The following GLIS1 variants were observed in gnomAD, a reference collection of about 807,000 sequenced individuals.
GLIS1 encodes the protein GLIS family zinc finger 1, also known as zinc finger protein GLIS1.
Under a neutral mutation model 63.8 loss-of-function variants are expected in GLIS1, and 24 were observed. The ratio of observed to expected loss-of-function variants is 0.38; its 90% CI spans 0.27 to 0.53. The LOEUF (loss-of-function observed/expected upper bound fraction) is 0.53, where lower values mean the gene tolerates loss of function less well. Among genes scored for constraint, GLIS1 ranks in the 20% least tolerant of loss-of-function variants. The pLI, the probability that GLIS1 is intolerant of heterozygous loss-of-function variation, is 0.85. For synonymous variants in GLIS1, 450 were observed against 482.5 expected, an observed-to-expected ratio of 0.93 and a Z score of 0.88; for missense variants, 1,036 against 1,074.1, an observed-to-expected ratio of 0.96 and a Z score of 0.50.
At position 53,514,493 on chromosome 1, in the gene GLIS1, G is replaced by C. The variant is rs148112383; in HGVS notation, c.1883+132C>G. On this transcript the variant is annotated intron_variant, in intron 8 of 10. Transcript: ENST00000628545. ...GTGTGTGGAATGCAGTCTGCAGTCAGTGTTCCCTGAAGGTTGGCTATTTTC... is the reference window on the plus strand; with the variant it reads ...GTGTGTGGAATGCAGTCTGCAGTCACTGTTCCCTGAAGGTTGGCTATTTTC... 69 of 871,882 alleles carry C rather than the reference G, an allele frequency of 7.9e-5. No homozygotes were observed. In the African/African-American group the frequency reaches 1.1e-3, roughly 13 times the overall value. The allele number at this position is 871,882 out of a possible 1,614,324, so 54.0% of individuals were successfully genotyped here.
intron 2 of GLIS1, among the ~76,000 whole-genome samples, chr1:53,689,960 C>G (rs888698789): frequency 6.6e-6 from 1 of 152,230 alleles, no homozygotes; most frequent in Non-Finnish European, 1.5e-5. Flanking sequence ...TGCCTTTCCC[C>G]TTGCTGTCAG....
intron 2 of GLIS1, among the ~76,000 whole-genome samples, chr1:53,623,341 C>A (rs959479539): frequency 1.3e-5 from 2 of 152,044 alleles, no homozygotes; most frequent in Middle Eastern, 3.4e-3. Context: ...AAAAGTAGTA[C>A]CCACTGATGA....
chr1:53,628,583 C>T (rs1645620494), intron 2 of GLIS1, among the ~76,000 whole-genome samples: 1 of 152,112 alleles, frequency 6.6e-6, no homozygotes, highest in African/African-American at 2.4e-5. Context: ...CAATTATTCC[C>T]ACCTAAGGGA....
intron 4 of GLIS1, among the ~76,000 whole-genome samples, chr1:53,555,958 ATG>A (rs1557448199): frequency 1.0e-5 from 1 of 97,516 alleles, no homozygotes; most frequent in African/African-American, 4.1e-5. Flanking sequence ...TACTGCAGGT[ATG>A]TGTGTGTGCA....
intron 2 of GLIS1, among the ~76,000 whole-genome samples, chr1:53,714,264 G>C (rs1646675461): frequency 6.6e-6 from 1 of 152,184 alleles, no homozygotes; most frequent in Non-Finnish European, 1.5e-5. Flanking sequence ...CCTCACAAGA[G>C]TGTTGAAAAG....
intron 3 of GLIS1, 37 bp downstream of exon 3, chr1:53,600,064 C>T: frequency 1.7e-6 from 2 of 1,169,532 alleles, no homozygotes; most frequent in Non-Finnish European, 2.2e-6. Flanking sequence ...CTGGGGCCTC[C>T]TGGGAGTGTC....
rs2100548003 is a variant in GLIS1 at position 53,600,110 on chromosome 1, T to C, written c.428A>G (p.His143Arg). Residue 143 changes from histidine to arginine, a missense_variant, in exon 3 of 11, where the codon CAC becomes CGC. By Grantham distance (29) the His-to-Arg change is conservative (BLOSUM62 0). Around this residue, in one of 3 missense-constraint regions of GLIS1, gnomAD observed 592 missense variants for 593.9 expected, o/e 1.00. Coordinates refer to ENST00000628545, the MANE Select transcript of GLIS1 (RefSeq NM_001367484.1). ...AGCTGCCCACACCTACCTGTCAGGGTGGGGGAAATGCAGCAGCCTCTCACA... is the reference window on the plus strand; with the variant it reads ...AGCTGCCCACACCTACCTGTCAGGGCGGGGGAAATGCAGCAGCCTCTCACA... ...QACERLLHFP[H>R]PDRSPRPQAT... 1 of 1,229,652 alleles carries C rather than the reference T, an allele frequency of 8.1e-7. No individual in the cohort carries two copies. The highest frequency in any genetic ancestry group is 3.2e-5 in the East Asian group (1 of 31,672). The allele number at this position is 1,229,652 out of a possible 1,614,324, so 76.2% of individuals were successfully genotyped here. A position where few individuals can be genotyped will look rare whatever the true frequency, so the allele number is the denominator to read the frequency against.
chr1:53,569,496 T>C (rs1644964609), intron 4 of GLIS1, among the ~76,000 whole-genome samples: 1 of 152,010 alleles, frequency 6.6e-6, no homozygotes, highest in East Asian at 1.9e-4. Flanking sequence ...TAAAAAAGCC[T>C]TTAATCTGAG....
chr1:53,552,802 T>C (rs1194376155), intron 4 of GLIS1, among the ~76,000 whole-genome samples: 2 of 152,188 alleles, frequency 1.3e-5, no homozygotes, highest in African/African-American at 4.8e-5. Flanking sequence ...GTTTTTATTT[T>C]TGTCATCGGC....
intron 2 of GLIS1, among the ~76,000 whole-genome samples, chr1:53,670,163 A>G (rs1646136271): frequency 6.6e-6 from 1 of 152,194 alleles, no homozygotes; most frequent in African/African-American, 2.4e-5. Flanking sequence ...CTGGCCAAGA[A>G]TGGCTCAGCC....
At chr1:53,637,596 TACA>T (rs1226803582) in intron 2 of GLIS1, among the ~76,000 whole-genome samples, 8 of 152,052 alleles carry the variant, frequency 5.3e-5, no homozygotes, top group Non-Finnish European at 1.2e-4. Context: ...GGAAGAAAAG[TACA>T]CATACGGCTG....
At chr1:53,645,613 C>G (rs1317947993) in intron 2 of GLIS1, among the ~76,000 whole-genome samples, 4 of 152,214 alleles carry the variant, frequency 2.6e-5, no homozygotes, top group African/African-American at 9.6e-5. Context: ...CCCCTATGAA[C>G]CACAACCCTT....
chr1:53,694,724 G>A (rs1232214533), intron 2 of GLIS1, among the ~76,000 whole-genome samples: 1 of 152,138 alleles, frequency 6.6e-6, no homozygotes, highest in African/African-American at 2.4e-5. Flanking sequence ...GGGGCACACA[G>A]CACAGTCCTG....
intron 4 of GLIS1, among the ~76,000 whole-genome samples, chr1:53,584,628 G>A (rs1645117313): frequency 1.3e-5 from 2 of 152,194 alleles, no homozygotes; most frequent in Admixed American, 1.3e-4. Context: ...GCCAGGTGGG[G>A]GTGGACAATA....
intron 2 of GLIS1, among the ~76,000 whole-genome samples, chr1:53,638,027 G>A (rs774917672): frequency 2.6e-5 from 4 of 152,228 alleles, no homozygotes; most frequent in African/African-American, 7.2e-5. Context: ...CAGCCTGAAC[G>A]TTATAATCCT....
chr1:53,593,320 G>A (rs930464657), intron 4 of GLIS1, among the ~76,000 whole-genome samples: 2 of 152,252 alleles, frequency 1.3e-5, no homozygotes, highest in Admixed American at 6.5e-5. Flanking sequence ...GTATCAGGGA[G>A]TGCTCCTAGC....
chr1:53,524,156 C>T (rs1301886600), intron 6 of GLIS1, among the ~76,000 whole-genome samples: 1 of 152,266 alleles, frequency 6.6e-6, no homozygotes, highest in Non-Finnish European at 1.5e-5. Context: ...CCTCTGATGG[C>T]TGAGGAACCT....
intron 2 of GLIS1, among the ~76,000 whole-genome samples, chr1:53,675,151 G>A (rs1646197899): frequency 1.3e-5 from 2 of 152,108 alleles, no homozygotes; most frequent in Non-Finnish European, 2.9e-5. Context: ...TTACGGGTGA[G>A]GGTCCTGATA....
intron 4 of GLIS1, among the ~76,000 whole-genome samples, chr1:53,556,355 GTGTA>G: frequency 7.5e-6 from 1 of 132,798 alleles, no homozygotes; most frequent in African/African-American, 3.0e-5. Flanking sequence ...CTGCAGGTGT[GTGTA>G]TGCAGATGTG....
Sources: gnomAD v4.1 joint callset for allele counts (sites outside exome capture counted in the v4.1 genomes callset) on GRCh38, gnomAD v4.1.1 for gene constraint, gnomAD v4.1.1 regional missense constraint, MANE v1.5 for transcripts, NCBI Gene and HGNC (gene_info 2026-07-23, HGNC 2026-07-21) for gene names.